PDPN: variants seen among roughly 807,000 people sequenced by gnomAD.
The protein encoded by PDPN is PA2.26 antigen.
PDPN carries 12 observed loss-of-function variants against 23.2 expected under a neutral mutation model. The observed-to-expected ratio is 0.52, with a 90% confidence interval of 0.33 to 0.84. The LOEUF is 0.84. Among genes scored for constraint, PDPN ranks in the 40% least tolerant of loss-of-function variants. The pLI, the probability that PDPN is intolerant of heterozygous loss-of-function variation, is 0.02. For missense variants in PDPN, 199 were observed against 212.2 expected (o/e 0.94, Z 0.39); for synonymous variants, 77 against 76.7 (o/e 1.00, Z -0.02).
intron 1 of PDPN, among the ~76,000 whole-genome samples, chr1:13,606,332 T>C (rs897194344): frequency 1.3e-5 from 2 of 152,166 alleles, no homozygotes; most frequent in Non-Finnish European, 2.9e-5. Context: ...CTAAGTGTTC[T>C]GTTGGTGTCT....
intron 1 of PDPN, among the ~76,000 whole-genome samples, chr1:13,600,777 A>G (rs1640623428): frequency 1.3e-5 from 2 of 152,000 alleles, no homozygotes; most frequent in Non-Finnish European, 2.9e-5. Flanking sequence ...AGTAGGGAGG[A>G]GAGCTCAGGT....
chr1:13,584,628 C>T (rs1030664032), intron 1 of PDPN, among the ~76,000 whole-genome samples: 1 of 152,234 alleles, frequency 6.6e-6, no homozygotes, highest in Non-Finnish European at 1.5e-5. Context: ...CTCAGCACCC[C>T]GTCACTGGAC....
chr1:13,607,425 AC>A (rs2100267871), intron 2 of PDPN, 119 bp downstream of exon 2: 1 of 661,882 alleles, frequency 1.5e-6, no homozygotes, highest in African/African-American at 1.9e-5. Context: ...AGCATGAGCC[AC>A]CATACCAAGG....
intron 5 of PDPN, chr1:13,615,013 C>G: frequency 6.0e-6 from 2 of 332,810 alleles, no homozygotes; most frequent in Non-Finnish European, 1.2e-5. Flanking sequence ...TAATCTGATG[C>G]CTAATCAGCC....
Position 13,614,125 on chromosome 1 carries a change from T to C in PDPN, c.371-175T>C, listed in dbSNP as rs900666918. Reference sequence around the variant, plus strand: ...CCCAGAAATCTTCCCATTTGTAAAATAGGATTAGACTAGCCCAAATTTTCT... The same window carrying C: ...CCCAGAAATCTTCCCATTTGTAAAACAGGATTAGACTAGCCCAAATTTTCT... On this transcript the variant is annotated intron_variant, in intron 4 of 5. Coordinates refer to ENST00000621990, the MANE Select transcript of PDPN (RefSeq NM_006474.5). Among the ~76,000 whole-genome samples, 3 of 152,174 alleles carry C rather than the reference T, an allele frequency of 2.0e-5. No individual in the cohort carries two copies. In the East Asian group the frequency reaches 5.8e-4, roughly 29 times the overall value.
intron 1 of PDPN, among the ~76,000 whole-genome samples, chr1:13,602,599 G>A (rs889908775): frequency 4.6e-5 from 7 of 151,706 alleles, no homozygotes; most frequent in African/African-American, 1.7e-4. Flanking sequence ...TCTTTTTTTT[G>A]TCTCCCAGGC....
At position 13,616,415 on chromosome 1, in the gene PDPN, T is replaced by G. The variant is rs765435315; in HGVS notation, c.*504T>G. 3.1e-5 allele frequency: 5 copies of G among 162,988 alleles called. No individual in the cohort carries two copies. Among genetic ancestry groups the G allele is most frequent in the Admixed American group, 5.8e-5 (1 of 17,304 alleles). 10.1% of individuals were successfully genotyped at this position (162,988 alleles called of 1,614,324 possible). The stretch of plus-strand genomic sequence containing the variant: ...CATTCTGGTCTAGTTTGGTCTATCT[T>G]TTAAAGCCTGATCTGGTGTGAATAA... On this transcript the variant is annotated 3_prime_UTR_variant, in exon 6 of 6. Coordinates refer to ENST00000621990, the MANE Select transcript of PDPN (RefSeq NM_006474.5).
At chr1:13,614,441 G>A (rs761779149) in intron 5 of PDPN, 30 bp downstream of exon 5, 8 of 1,097,534 alleles carry the variant, frequency 7.3e-6, no homozygotes, top group Non-Finnish European at 9.8e-6. Context: ...CCATGTGATA[G>A]GCAAATGAAA....
In PDPN at chr1:13,584,330, A is replaced by G. The variant is rs890450172; in HGVS notation, c.67+230A>G. The stretch of plus-strand genomic sequence containing the variant: ...TGTGCCGGGAGGAGCCCCGGAATCC[A>G]CAGGCTGCGAGGTGGGCAGCACAGG... On this transcript the variant is annotated intron_variant, in intron 1 of 5. Transcript: ENST00000621990. 171 of 1,488,632 alleles carry G rather than the reference A, an allele frequency of 1.1e-4. 4 individuals are homozygous for G. The highest frequency in any genetic ancestry group is 4.9e-4 in the Middle Eastern group (2 of 4,122). The allele number at this position is 1,488,632 out of a possible 1,614,324, so 92.2% of individuals were successfully genotyped here. A position where few individuals can be genotyped will look rare whatever the true frequency, so the allele number is the denominator to read the frequency against.
rs1400389185 is a variant in PDPN at position 13,596,582 on chromosome 1, G to A, written c.68-10591G>A. The stretch of plus-strand genomic sequence containing the variant: ...GGCACACAGCTCTGGGTTAGGGAGT[G>A]GCTTTCTTCGTGTAAAGGAGCTTTG... On this transcript the variant is annotated intron_variant, in intron 1 of 5. Coordinates refer to ENST00000621990, the MANE Select transcript of PDPN (RefSeq NM_006474.5). 3.3e-5 allele frequency among the ~76,000 whole-genome samples: 5 copies of A among 152,314 alleles called. No individual in the cohort carries two copies. In the East Asian group the frequency reaches 9.6e-4, roughly 29 times the overall value.
At position 13,600,595 on chromosome 1, in the gene PDPN, C is replaced by T. The variant is rs192422584; in HGVS notation, c.68-6578C>T. On this transcript the variant is annotated intron_variant, in intron 1 of 5. Coordinates refer to ENST00000621990, the MANE Select transcript of PDPN (RefSeq NM_006474.5). Reference sequence around the variant, plus strand: ...GGCCAGGCTGGTCTTGAACTCCCGACCTCAGGTCATCCACCTGCCTTGGCC... The same window carrying T: ...GGCCAGGCTGGTCTTGAACTCCCGATCTCAGGTCATCCACCTGCCTTGGCC... Among the ~76,000 whole-genome samples, 5 of 152,268 alleles carry T rather than the reference C, an allele frequency of 3.3e-5. No homozygotes were observed. The East Asian group carries it at 9.7e-4, about 29-fold the overall frequency.
chr1:13,617,404 G>T lies in PDPN; in HGVS notation c.*1493G>T, dbSNP rs78566659. The T allele has an allele frequency of 0.069, 10,497 of 151,324 alleles. 458 individuals are homozygous for T. Among genetic ancestry groups the T allele is most frequent in the African/African-American group, 0.13 (5,240 of 41,064 alleles). 9.4% of individuals were successfully genotyped at this position (151,324 alleles called of 1,614,324 possible). On this transcript the variant is annotated 3_prime_UTR_variant, in exon 6 of 6. Coordinates refer to ENST00000621990, the MANE Select transcript of PDPN (RefSeq NM_006474.5). ...CACCAGCTCAGATTCCATTTTTTTT[G>T]TGTGTGTGTGTGAAACGTAGTCTGC... is the stretch of plus-strand genomic sequence containing the variant.
At chr1:13,605,685 T>C (rs12136321) in intron 1 of PDPN, among the ~76,000 whole-genome samples, 4,547 of 152,128 alleles carry the variant, frequency 0.03, 152 homozygotes, top group African/African-American at 0.076. Context: ...TGCAGTGGTG[T>C]GATCTTGGCT....
At chr1:13,607,044 A>G (rs1640805888) in intron 1 of PDPN, 129 bp from the exon 2 acceptor site, 2 of 1,038,408 alleles carry the variant, frequency 1.9e-6, no homozygotes, top group East Asian at 2.6e-5. Flanking sequence ...AGTAAGCCAC[A>G]AAAAGGACCA....
At chr1:13,608,074 C>T (rs1286165380) in intron 2 of PDPN, among the ~76,000 whole-genome samples, 9 of 152,152 alleles carry the variant, frequency 5.9e-5, no homozygotes, top group Non-Finnish European at 1.3e-4. Flanking sequence ...CACTGCACTC[C>T]AGCCTGGGCA....
chr1:13,607,133 A>T, intron 1 of PDPN, 40 bp from the exon 2 acceptor site: 1 of 1,593,388 alleles, frequency 6.3e-7, no homozygotes, highest in Non-Finnish European at 8.5e-7. Context: ...CTGCTTATGC[A>T]ATTTCCACCT....
chr1:13,584,854 T>C (rs1000658457), intron 1 of PDPN, among the ~76,000 whole-genome samples: 2 of 152,180 alleles, frequency 1.3e-5, no homozygotes, highest in African/African-American at 4.8e-5. Flanking sequence ...GTATCCCATG[T>C]TGGGGTGGGG....
chr1:13,604,343 A>G (rs578074087), intron 1 of PDPN, among the ~76,000 whole-genome samples: 26 of 152,222 alleles, frequency 1.7e-4, no homozygotes, highest in Non-Finnish European at 2.8e-4. Context: ...CAGCCAAGAT[A>G]CTAAGAGGGA....
rs1164211842 is a variant in PDPN at position 13,600,514 on chromosome 1, G to A, written c.68-6659G>A. Reference sequence around the variant, plus strand: ...CAAGTAGCTGGGACTACAGGCCTGCGCCACCATGGCCAGCTAATTTTTGTA... The same window carrying A: ...CAAGTAGCTGGGACTACAGGCCTGCACCACCATGGCCAGCTAATTTTTGTA... On this transcript the variant is annotated intron_variant, in intron 1 of 5. Coordinates refer to ENST00000621990, the MANE Select transcript of PDPN (RefSeq NM_006474.5). Among the ~76,000 whole-genome samples, 7 of 152,164 alleles carry A rather than the reference G, an allele frequency of 4.6e-5. No individual in the cohort carries two copies. The East Asian group carries it at 9.7e-4, about 21-fold the overall frequency.
Sources: allele counts gnomAD v4.1 joint callset (sites outside exome capture counted in the v4.1 genomes callset), GRCh38; gene constraint gnomAD v4.1.1; transcripts MANE v1.5; gene names NCBI Gene and HGNC (gene_info 2026-07-23, HGNC 2026-07-21).